USP22: variants seen among roughly 807,000 people sequenced by gnomAD.
USP22 encodes ubiquitin carboxyl-terminal hydrolase 22.
Under a neutral mutation model 68.1 loss-of-function variants are expected in USP22, and 22 were observed. That is an observed-to-expected ratio of 0.32 (90% CI 0.23 to 0.46). USP22 has a LOEUF of 0.46. Among genes scored for constraint, USP22 ranks in the 20% least tolerant of loss-of-function variants. The probability of loss-of-function intolerance (pLI) is 1.00; values close to 1 mark genes in which losing one functional copy is unlikely to be tolerated. For missense variants in USP22, 433 were observed against 695.8 expected (o/e 0.62, Z 4.25); for synonymous variants, 279 against 274.2 (o/e 1.02, Z -0.17).
At chr17:21,003,291 C>T (rs1913655852) in intron 12 of USP22, among the ~76,000 whole-genome samples, 3 of 152,178 alleles carry the variant, frequency 2.0e-5, no homozygotes, top group Non-Finnish European at 2.9e-5. Flanking sequence ...ACCACCCCCA[C>T]CTGCCACGAG....
rs1913494736 is a variant in USP22, at chr17:20,999,746, T to A, written c.*3285A>T. 6.6e-6 allele frequency: 1 copy of A among 152,140 alleles called. No homozygotes were observed. 9.4% of individuals were successfully genotyped at this position (152,140 alleles called of 1,614,324 possible). A position where few individuals can be genotyped will look rare whatever the true frequency, so the allele number is the denominator to read the frequency against. ...CCAACCACAGCACAGTCATTGGAAT[T>A]TTTTTCTTCATTTTTATTTTCAAAC... On this transcript the variant is annotated 3_prime_UTR_variant, in exon 13 of 13. Transcript: ENST00000261497.
chr17:21,015,324 C>T (rs570330549), intron 6 of USP22, among the ~76,000 whole-genome samples: 23 of 152,306 alleles, frequency 1.5e-4, no homozygotes, highest in African/African-American at 5.3e-4. Flanking sequence ...TTCAGAGCAA[C>T]CATCAGTCCT....
In USP22 at chr17:21,002,916, T is replaced by TGTCACCAGGCCGGGGAGGCGGC. The variant is rs1913639545; in HGVS notation, c.*93_*114dup. The TGTCACCAGGCCGGGGAGGCGGC allele has an allele frequency of 7.8e-7, 1 of 1,277,028 alleles. No homozygotes were observed. Among genetic ancestry groups the TGTCACCAGGCCGGGGAGGCGGC allele is most frequent in the East Asian group, 2.4e-5 (1 of 42,162 alleles). 79.1% of individuals were successfully genotyped at this position (1,277,028 alleles called of 1,614,324 possible). A position where few individuals can be genotyped will look rare whatever the true frequency, so the allele number is the denominator to read the frequency against. On this transcript the variant is annotated 3_prime_UTR_variant, in exon 13 of 13. Coordinates refer to ENST00000261497, the MANE Select transcript of USP22 (RefSeq NM_015276.2). ...GGGGCCACATCTGCATGGGAGGTGG[T>TGTCACCAGGCCGGGGAGGCGGC]GTCACCAGGCCGGGGAGGCGGCGGG...
rs551771204 is a variant in USP22 at position 21,015,670 on chromosome 17, C to T, written c.838+82G>A. The T allele has an allele frequency of 7.5e-6, 11 of 1,474,102 alleles. No individual in the cohort carries two copies. In the South Asian group the frequency reaches 9.8e-5, roughly 13 times the overall value. The allele number at this position is 1,474,102 out of a possible 1,614,324, so 91.3% of individuals were successfully genotyped here. On this transcript the variant is annotated intron_variant, in intron 6 of 12. Transcript: ENST00000261497. ...TGTGTCACCTGTGCCCCTTTTTGCA[C>T]GAGTGCATACACTCGCTTTGCTTCC...
At chr17:21,028,395 A>G (rs1436648909) in intron 2 of USP22, 147 bp downstream of exon 2, 4 of 1,303,868 alleles carry the variant, frequency 3.1e-6, no homozygotes, top group South Asian at 2.8e-5. Flanking sequence ...TGTCCCTTTC[A>G]CTTCCAAGTG....
intron 8 of USP22, among the ~76,000 whole-genome samples, chr17:21,009,628 A>G (rs761139218): frequency 6.6e-6 from 1 of 152,202 alleles, no homozygotes; most frequent in African/African-American, 2.4e-5. Context: ...ATTTATGATT[A>G]AATTTAATTT....
chr17:21,018,970 A>T, intron 4 of USP22, 114 bp downstream of exon 4: 2 of 1,068,496 alleles, frequency 1.9e-6, no homozygotes, highest in Non-Finnish European at 2.8e-6. Flanking sequence ...TTGATGAGTG[A>T]CAGTTATGCA....
intron 10 of USP22, 152 bp from the exon 11 acceptor site, chr17:21,005,142 C>T (rs564233599): frequency 8.0e-6 from 7 of 876,014 alleles, no homozygotes; most frequent in Admixed American, 7.2e-5. Context: ...CCCCATGTTT[C>T]GTGAGGACAC....
chr17:21,025,037 T>C (rs1269135518), intron 2 of USP22, among the ~76,000 whole-genome samples: 1 of 152,118 alleles, frequency 6.6e-6, no homozygotes, highest in African/African-American at 2.4e-5. Flanking sequence ...AAGGACACTA[T>C]CAAGAAACTA....
intron 2 of USP22, among the ~76,000 whole-genome samples, chr17:21,024,672 A>G (rs1446954044): frequency 6.6e-6 from 1 of 152,238 alleles, no homozygotes; most frequent in East Asian, 1.9e-4. Flanking sequence ...CAACAAAAGA[A>G]AAAATAAAAC....
At chr17:21,005,681 GAGGACACC>G (rs1011075196) in intron 10 of USP22, among the ~76,000 whole-genome samples, 2 of 152,204 alleles carry the variant, frequency 1.3e-5, no homozygotes, top group Non-Finnish European at 2.9e-5. Flanking sequence ...ACAGCCATGA[GAGGACACC>G]AGGAAGAGGC....
chr17:21,043,303 C>CCCCCCCCCCCCCCCCCCCCCCCCCCCCCG (rs1567596626), upstream of USP22: 1 of 53,672 alleles, frequency 1.9e-5, no homozygotes, highest in Admixed American at 1.2e-4. Context: ...TAGGCCACCC[C>CCCCCCCCCCCCCCCCCCCCCCCCCCCCCG]CCCCCCCCCC....
chr17:21,038,041 T>C (rs983020818), intron 1 of USP22, among the ~76,000 whole-genome samples: 4 of 152,212 alleles, frequency 2.6e-5, no homozygotes, highest in African/African-American at 9.6e-5. Flanking sequence ...AATGGTGTAA[T>C]GTTTTGTTGT....
intron 1 of USP22, among the ~76,000 whole-genome samples, chr17:21,040,993 T>C (rs1972422400): frequency 6.6e-6 from 1 of 151,784 alleles, no homozygotes; most frequent in Non-Finnish European, 1.5e-5. Flanking sequence ...GAAGTGATTC[T>C]CCTGCCTCAA....
At chr17:21,007,075 G>A (rs1913805658) in intron 9 of USP22, 88 bp from the exon 10 acceptor site, 2 of 1,121,620 alleles carry the variant, frequency 1.8e-6, no homozygotes, top group Non-Finnish European at 1.3e-6. Flanking sequence ...GATGACAGGT[G>A]TCTGTGTTAT....
Position 21,002,958 on chromosome 17 carries a change from G to GA in USP22, c.*72_*73insT. On this transcript the variant is annotated 3_prime_UTR_variant, in exon 13 of 13. Transcript: ENST00000261497. Reference sequence around the variant, plus strand: ...GGCGGCGGGAGACTTGGGGGAGGGGGGGGCCAGGGAGGATCACTTTGTGAG... The same window carrying GA: ...GGCGGCGGGAGACTTGGGGGAGGGGGAGGGCCAGGGAGGATCACTTTGTGAG... The GA allele has an allele frequency of 8.9e-6, 14 of 1,576,742 alleles. No individual in the cohort carries two copies. The highest frequency in any genetic ancestry group is 1.2e-5 in the Non-Finnish European group (14 of 1,151,838).
intron 3 of USP22, among the ~76,000 whole-genome samples, chr17:21,020,440 C>T (rs980214556): frequency 1.6e-3 from 250 of 152,240 alleles, no homozygotes; most frequent in African/African-American, 5.8e-3. Flanking sequence ...CACAAGATGG[C>T]AAGGATCTGA....
chr17:21,004,791 TAGTGGAGCTGCGGGCAGCCAAG>T, intron 11 of USP22, 115 bp downstream of exon 11: 2 of 193,208 alleles, frequency 1.0e-5, no homozygotes, highest in Non-Finnish European at 2.1e-5. Context: ...GGGCAGCCAA[TAGTGGAGCTGCGGGCAGCCAAG>T]CGGGAAGCAG....
At chr17:21,012,764 G>A in intron 7 of USP22, 66 bp downstream of exon 7, 1 of 1,414,928 alleles carries the variant, frequency 7.1e-7, no homozygotes, top group Non-Finnish European at 1.0e-6. Flanking sequence ...CAGCTCTGGA[G>A]ACTGGGAGGA....
Sources: allele counts gnomAD v4.1 joint callset (sites outside exome capture counted in the v4.1 genomes callset), GRCh38; gene constraint gnomAD v4.1.1; transcripts MANE v1.5; gene names NCBI Gene and HGNC (gene_info 2026-07-23, HGNC 2026-07-21).